PCDHGB4: variants seen among roughly 807,000 people sequenced by gnomAD.
PCDHGB4 encodes the protein protocadherin gamma subfamily B, 4.
Under a neutral mutation model 60.5 loss-of-function variants are expected in PCDHGB4, and 38 were observed. The ratio of observed to expected loss-of-function variants is 0.63; its 90% confidence interval spans 0.48 to 0.82. The LOEUF (loss-of-function observed/expected upper bound fraction) is 0.82. Ranked by LOEUF, PCDHGB4 falls within the 40% of genes least tolerant of loss-of-function variation. The pLI, the probability that PCDHGB4 is intolerant of heterozygous loss-of-function variation, is 0.00. For synonymous variants in PCDHGB4, 456 were observed against 509.7 expected (o/e 0.89, Z 1.42); for missense variants, 1,109 against 1,209.6 (o/e 0.92, Z 1.23).
At chr5:141,482,611 G>A (rs1016481108) in intron 1 of PCDHGB4, among the ~76,000 whole-genome samples, 3 of 150,398 alleles carry the variant, frequency 2.0e-5, no homozygotes, top group African/African-American at 7.4e-5. Context: ...ACACCTAAAT[G>A]AGCCTGGAGA....
intron 1 of PCDHGB4, among the ~76,000 whole-genome samples, chr5:141,407,680 C>A (rs2094967585): frequency 6.6e-6 from 1 of 151,942 alleles, no homozygotes; most frequent in Non-Finnish European, 1.5e-5. Flanking sequence ...CAAAGATTGG[C>A]TTTGTGGTGA....
chr5:141,453,680 A>G (rs1466590010), intron 1 of PCDHGB4, among the ~76,000 whole-genome samples: 1 of 152,220 alleles, frequency 6.6e-6, no homozygotes, highest in Non-Finnish European at 1.5e-5. Context: ...GTAACACACT[A>G]TGTAGGTAGT....
rs189734474 is a variant in PCDHGB4, at chr5:141,512,858, G to T, written c.*1685G>T. 1 of 152,296 alleles carries T rather than the reference G, an allele frequency of 6.6e-6. No individual in the cohort carries two copies. The highest frequency in any genetic ancestry group is 1.9e-4 in the East Asian group (1 of 5,182). 9.4% of individuals were successfully genotyped at this position (152,296 alleles called of 1,614,324 possible). ...ACTTCTCCTATAAGCGCTTCTCTTC[G>T]CATAGTCACGTAGCTCCCACCCCAC... On this transcript the variant is annotated 3_prime_UTR_variant, in exon 4 of 4. Coordinates refer to ENST00000519479, the MANE Select transcript of PCDHGB4 (RefSeq NM_003736.4).
At chr5:141,510,816 A>G (rs1478938067) in intron 3 of PCDHGB4, 131 bp from the exon 4 acceptor site, 2 of 1,547,282 alleles carry the variant, frequency 1.3e-6, no homozygotes, top group Non-Finnish European at 1.8e-6. Context: ...GGTGACCCCT[A>G]TATTCCCAGT....
intron 1 of PCDHGB4, chr5:141,419,206 G>A: frequency 1.9e-6 from 3 of 1,613,876 alleles, no homozygotes; most frequent in Non-Finnish European, 1.7e-6. Flanking sequence ...ATGACAACGC[G>A]CCGGTTTTCG....
Position 141,431,599 on chromosome 5 carries a change from C to T in PCDHGB4, c.2397+41318C>T. On this transcript the variant is annotated intron_variant, in intron 1 of 3. Transcript: ENST00000519479. The surrounding 1 kb of genome is among the most constrained non-coding windows in gnomAD (Gnocchi z 4.8). ...GAGTCAATGCGGAAGTGAGGTATTC[C>T]TTCCGGTATGTGGACGACAAGGCGG... 1 of 1,614,194 alleles carries T rather than the reference C, an allele frequency of 6.2e-7. No individual in the cohort carries two copies. The highest frequency in any genetic ancestry group is 8.5e-7 in the Non-Finnish European group (1 of 1,180,034).
rs1422052114 is a variant in PCDHGB4, at chr5:141,511,168, A to T, written c.2767A>T (p.Lys923Ter). The change falls in exon 4 of 4, where the codon AAG (lysine) becomes TAG (stop). Residue 923 changes from lysine to a stop codon, truncating the protein, a stop_gained. Coordinates refer to ENST00000519479, the MANE Select transcript of PCDHGB4 (RefSeq NM_003736.4). LOFTEE classifies it high-confidence loss of function. ...GAAGAAGTCGGGCAAGAAGGAGAAG[A>T]AGTAACATGGAGGCCAGGCCAAGAG... is the stretch of plus-strand genomic sequence containing the variant. The part of the protein sequence containing the change: ...NKKKSGKKEK[K>*] 1.4e-5 allele frequency: 22 copies of T among 1,614,038 alleles called. No individual in the cohort carries two copies. The highest frequency in any genetic ancestry group is 1.7e-5 in the Non-Finnish European group (20 of 1,180,008).
Position 141,460,747 on chromosome 5 carries a change from G to A in PCDHGB4, c.2398-34060G>A, listed in dbSNP as rs148154304. On this transcript the variant is annotated intron_variant, in intron 1 of 3. Transcript: ENST00000519479. ...GCATATATACACATTGTATATATAT[G>A]TGTACATATACATATTGCATATGTA... Among the ~76,000 whole-genome samples, 351 of 151,000 alleles carry A rather than the reference G, an allele frequency of 2.3e-3. 2 individuals are homozygous for A. The highest frequency in any genetic ancestry group is 6.8e-3 in the Middle Eastern group (2 of 294).
At chr5:141,421,504 C>G (rs757410882) in intron 1 of PCDHGB4, 1 of 1,614,062 alleles carries the variant, frequency 6.2e-7, no homozygotes, top group South Asian at 1.1e-5. Flanking sequence ...CAGGATAGAC[C>G]GGGAGGAGCT....
intron 1 of PCDHGB4, chr5:141,417,649 C>G (rs1294192479): frequency 1.2e-6 from 1 of 826,168 alleles, no homozygotes; most frequent in East Asian, 2.8e-5. Flanking sequence ...CCCTCAGCCT[C>G]TAGCCTGGGA....
intron 1 of PCDHGB4, among the ~76,000 whole-genome samples, chr5:141,447,677 A>G (rs748479750): frequency 6.6e-6 from 1 of 152,184 alleles, no homozygotes; most frequent in Non-Finnish European, 1.5e-5. Context: ...GAACTGTTCC[A>G]TATCTTGATA....
chr5:141,418,572 AC>A lies in PCDHGB4; in HGVS notation c.2397+28297del, dbSNP rs752316020. 8.1e-6 allele frequency: 13 copies of A among 1,613,794 alleles called. 1 individual carries two copies. The Admixed American group carries it at 1.8e-4, about 23-fold the overall frequency. ...ATCCTGGTAATAGATGCCAATGACA[AC>A]CCCCCAGTGTTCAGCCAGGACGTGT... On this transcript the variant is annotated intron_variant, in intron 1 of 3. Transcript: ENST00000519479.
In PCDHGB4 at chr5:141,387,764, AT is replaced by A; in HGVS notation, c.-115del. 1 of 1,430,464 alleles carries A rather than the reference AT, an allele frequency of 7.0e-7. No homozygotes were observed. The highest frequency in any genetic ancestry group is 2.5e-5 in the East Asian group (1 of 40,254). The allele number at this position is 1,430,464 out of a possible 1,614,324, so 88.6% of individuals were successfully genotyped here. On this transcript the variant is annotated 5_prime_UTR_variant, in exon 1 of 4. Transcript: ENST00000519479. ...CCGCTTCCTCCTCGGAAAAAGAAGA[AT>A]TTTTTCTTGAACTGGAACTGCAACT...
chr5:141,467,295 C>T (rs2099141170), intron 1 of PCDHGB4, among the ~76,000 whole-genome samples: 1 of 152,114 alleles, frequency 6.6e-6, no homozygotes, highest in South Asian at 2.1e-4. Flanking sequence ...TCAAGTGATC[C>T]ACTCACCTCG....
chr5:141,425,057 C>T (rs926732426), intron 1 of PCDHGB4, among the ~76,000 whole-genome samples: 4 of 152,026 alleles, frequency 2.6e-5, no homozygotes, highest in African/African-American at 4.8e-5. Flanking sequence ...ATCTAGGGCT[C>T]GGACAAAAAT....
chr5:141,483,538 G>C (rs571240759), intron 1 of PCDHGB4, among the ~76,000 whole-genome samples: 1 of 152,230 alleles, frequency 6.6e-6, no homozygotes, highest in African/African-American at 2.4e-5. Flanking sequence ...AAGCTGGGTG[G>C]TTGACAGTGC....
chr5:141,478,394 G>A, intron 1 of PCDHGB4: 1 of 1,613,586 alleles, frequency 6.2e-7, no homozygotes, highest in Non-Finnish European at 8.5e-7. Context: ...TTACCATCAG[G>A]TGTATCTCAC....
chr5:141,465,519 T>C (rs2099104752), intron 1 of PCDHGB4, among the ~76,000 whole-genome samples: 1 of 152,224 alleles, frequency 6.6e-6, no homozygotes, highest in East Asian at 1.9e-4. Context: ...GGAAGGATTC[T>C]GGGGAAGTTT....
chr5:141,441,327 C>T (rs973149197), intron 1 of PCDHGB4: 2 of 152,196 alleles, frequency 1.3e-5, no homozygotes, highest in Admixed American at 6.5e-5. Flanking sequence ...AAAAATCTTC[C>T]TCCAATAATT....
Sources: gnomAD v4.1 joint callset for allele counts (sites outside exome capture counted in the v4.1 genomes callset) on GRCh38, gnomAD v4.1.1 for gene constraint, Gnocchi (gnomAD v3.1) non-coding constraint, MANE v1.5 for transcripts, NCBI Gene and HGNC (gene_info 2026-07-23, HGNC 2026-07-21) for gene names.